The following CEPT1 variants were observed in gnomAD, a reference collection of about 807,000 sequenced individuals.
The protein encoded by CEPT1 is choline/ethanolaminephosphotransferase 1.
In CEPT1, 7 loss-of-function variants were observed where a neutral mutation model predicts 42.6. The ratio of observed to expected loss-of-function variants is 0.16; its 90% CI spans 0.09 to 0.31. CEPT1 has a LOEUF of 0.31. CEPT1 is among the 10% of genes least tolerant of loss of function. The pLI, the probability that CEPT1 is intolerant of heterozygous loss-of-function variation, is 1.00. For synonymous variants in CEPT1, 171 were observed against 171.9 expected (o/e 0.99, Z 0.04); for missense variants, 306 against 502.1 (o/e 0.61, Z 3.73).
intron 7 of CEPT1, 140 bp from the exon 8 acceptor site, chr1:111,183,322 G>T: frequency 1.1e-6 from 1 of 911,622 alleles, no homozygotes; most frequent in South Asian, 1.7e-5. Flanking sequence ...ATTTCATATT[G>T]TTGGGTTTTT....
intron 1 of CEPT1, among the ~76,000 whole-genome samples, chr1:111,143,851 A>G (rs764665719): frequency 3.3e-5 from 5 of 151,662 alleles, no homozygotes; most frequent in Non-Finnish European, 7.4e-5. Flanking sequence ...AATCCTCCCA[A>G]CTCAGCCTCC....
chr1:111,182,691 C>T (rs1356004204), intron 6 of CEPT1, 108 bp from the exon 7 acceptor site: 1 of 994,646 alleles, frequency 1.0e-6, no homozygotes, highest in African/African-American at 1.7e-5. Context: ...TATCAGGCAC[C>T]ATGAGGTTCC....
chr1:111,168,208 T>C (rs1656234461), intron 4 of CEPT1, among the ~76,000 whole-genome samples: 1 of 152,134 alleles, frequency 6.6e-6, no homozygotes, highest in Admixed American at 6.6e-5. Flanking sequence ...ACCTTATGAC[T>C]TTTAAAAACA....
Position 111,183,716 on chromosome 1 carries a change from T to G in CEPT1, c.1131+129T>G, listed in dbSNP as rs762594241. ...TGATTTGGAATGTCAGAAATCCACA[T>G]AAATGGGGCTGTGTGAGAGTTCTAT... On this transcript the variant is annotated intron_variant, in intron 8 of 8. Coordinates refer to ENST00000357172, the MANE Select transcript of CEPT1 (RefSeq NM_006090.5). 1.5e-4 allele frequency: 151 copies of G among 981,242 alleles called. 1 individual carries two copies. The highest frequency in any genetic ancestry group is 2.2e-4 in the Non-Finnish European group (143 of 657,012). 60.8% of individuals were successfully genotyped at this position (981,242 alleles called of 1,614,324 possible). A position where few individuals can be genotyped will look rare whatever the true frequency, so the allele number is the denominator to read the frequency against.
intron 2 of CEPT1, among the ~76,000 whole-genome samples, chr1:111,158,902 CTTTTTTTTTT>C (rs149230078): frequency 1.7e-3 from 95 of 55,460 alleles, no homozygotes; most frequent in African/African-American, 4.7e-3. Flanking sequence ...TTTTACAATT[CTTTTTTTTTT>C]TTTTTTTTTT....
chr1:111,161,065 G>A, intron 3 of CEPT1, 90 bp from the exon 4 acceptor site: 2 of 1,320,546 alleles, frequency 1.5e-6, no homozygotes, highest in Non-Finnish European at 2.2e-6. Flanking sequence ...TGCATTTACA[G>A]CATATCTTTT....
intron 4 of CEPT1, among the ~76,000 whole-genome samples, chr1:111,170,170 A>G (rs2101356964): frequency 6.6e-6 from 1 of 152,252 alleles, no homozygotes; most frequent in East Asian, 1.9e-4. Flanking sequence ...TTGTGAGAGG[A>G]TTCTCCTTTT....
At chr1:111,160,358 T>G (rs903044996) in intron 3 of CEPT1, 3 of 152,234 alleles carry the variant, frequency 2.0e-5, no homozygotes, top group African/African-American at 7.2e-5. Flanking sequence ...TCAATTATTT[T>G]CTTGTTTGAC....
intron 2 of CEPT1, among the ~76,000 whole-genome samples, chr1:111,153,658 T>G (rs561156928): frequency 6.6e-6 from 1 of 152,338 alleles, no homozygotes; most frequent in Admixed American, 6.5e-5. Context: ...TAGTGAGAGA[T>G]AGGGGTCTAG....
intron 4 of CEPT1, among the ~76,000 whole-genome samples, chr1:111,163,704 A>G (rs1374269525): frequency 6.6e-6 from 1 of 152,198 alleles, no homozygotes; most frequent in Non-Finnish European, 1.5e-5. Context: ...AGAGATATAC[A>G]TATAGATACA....
chr1:111,141,688 G>T (rs1473067570), intron 1 of CEPT1, among the ~76,000 whole-genome samples: 2 of 152,152 alleles, frequency 1.3e-5, no homozygotes, highest in Non-Finnish European at 2.9e-5. Flanking sequence ...AATCTAAGTT[G>T]TGTTACACAG....
At chr1:111,145,517 G>A (rs543807543) in intron 1 of CEPT1, among the ~76,000 whole-genome samples, 8 of 152,284 alleles carry the variant, frequency 5.3e-5, no homozygotes, top group Admixed American at 3.9e-4. Context: ...TATTTATAGG[G>A]ATATAGGAAA....
chr1:111,154,738 G>A (rs1395262147), intron 2 of CEPT1, among the ~76,000 whole-genome samples: 2 of 152,198 alleles, frequency 1.3e-5, no homozygotes, highest in Non-Finnish European at 2.9e-5. Context: ...AGCCTATTGA[G>A]ATGATCATAG....
intron 4 of CEPT1, among the ~76,000 whole-genome samples, chr1:111,174,566 T>G (rs1571150629): frequency 6.8e-6 from 1 of 147,516 alleles, no homozygotes; most frequent in South Asian, 2.2e-4. Context: ...ATTTAATACC[T>G]CCTCAATTTT....
At chr1:111,169,491 C>G (rs1185770759) in intron 4 of CEPT1, among the ~76,000 whole-genome samples, 1 of 152,114 alleles carries the variant, frequency 6.6e-6, no homozygotes, top group Non-Finnish European at 1.5e-5. Context: ...ACAAAGTACC[C>G]TATATTTATA....
intron 4 of CEPT1, among the ~76,000 whole-genome samples, chr1:111,162,909 T>C (rs924096988): frequency 6.6e-6 from 1 of 152,130 alleles, no homozygotes; most frequent in African/African-American, 2.4e-5. Context: ...GAGAGAAGCA[T>C]TGGTTAGAGG....
At chr1:111,173,387 CAAA>C (rs1166914710) in intron 4 of CEPT1, 1 of 151,978 alleles carries the variant, frequency 6.6e-6, no homozygotes, top group South Asian at 2.1e-4. Context: ...CTTGGGCAAA[CAAA>C]GACCCATTTT....
At chr1:111,165,162 G>C (rs1315916005) in intron 4 of CEPT1, among the ~76,000 whole-genome samples, 1 of 140,416 alleles carries the variant, frequency 7.1e-6, no homozygotes, top group African/African-American at 2.7e-5. Context: ...CCATTCTCCT[G>C]CCTCAGCCTC....
At chr1:111,183,103 AT>A in intron 7 of CEPT1, 146 bp downstream of exon 7, 1 of 810,734 alleles carries the variant, frequency 1.2e-6, no homozygotes, top group Non-Finnish European at 1.9e-6. Context: ...CATGGGAACT[AT>A]TTTTACTCTT....
Sources: gnomAD v4.1 joint callset for allele counts (sites outside exome capture counted in the v4.1 genomes callset) on GRCh38, gnomAD v4.1.1 for gene constraint, MANE v1.5 for transcripts, NCBI Gene and HGNC (gene_info 2026-07-23, HGNC 2026-07-21) for gene names.